The following CFAP47 variants were observed in gnomAD, a reference collection of about 807,000 sequenced individuals.
CFAP47 encodes cilia- and flagella-associated protein 47.
CFAP47 carries 29 observed loss-of-function variants against 148.1 expected under a neutral mutation model. That is an observed-to-expected ratio of 0.20 (90% confidence interval 0.15 to 0.27). The LOEUF (loss-of-function observed/expected upper bound fraction) is 0.27, where lower values mean the gene tolerates loss of function less well. CFAP47 is among the 10% of genes least tolerant of loss of function. CFAP47 has a pLI of 1.00. For missense variants in CFAP47, 1,872 were observed against 1,697.5 expected (o/e 1.10, Z -1.81); for synonymous variants, 664 against 577.3 (o/e 1.15, Z -2.15).
intron 25 of CFAP47, among the ~76,000 whole-genome samples, chrX:36,042,343 A>G (rs1319166579): frequency 2.7e-5 from 3 of 111,723 alleles, no homozygotes; most frequent in East Asian, 2.8e-4. Context: ...ATTAGGAAAT[A>G]AAACTCAAAA....
intron 57 of CFAP47, among the ~76,000 whole-genome samples, chrX:36,322,878 G>T (rs1354183334): frequency 9.0e-6 from 1 of 110,535 alleles, no homozygotes; most frequent in Non-Finnish European, 1.9e-5. Flanking sequence ...TGTTTGCTCT[G>T]ATATTTTACA....
intron 49 of CFAP47, among the ~76,000 whole-genome samples, chrX:36,259,335 A>G (rs1199019276): frequency 9.0e-6 from 1 of 111,529 alleles, no homozygotes; most frequent in African/African-American, 3.3e-5. Context: ...AAAATATACC[A>G]TTTACATATA....
intron 1 of CFAP47, among the ~76,000 whole-genome samples, chrX:35,923,082 G>T (rs1040057136): frequency 2.7e-5 from 3 of 110,933 alleles, no homozygotes; most frequent in Non-Finnish European, 3.8e-5. Flanking sequence ...CTAGTCCCTG[G>T]CTTATATTTA....
chrX:35,933,606 TG>T (rs1346637629), intron 2 of CFAP47, among the ~76,000 whole-genome samples: 1 of 112,058 alleles, frequency 8.9e-6, no homozygotes, highest in Non-Finnish European at 1.9e-5. Flanking sequence ...TGGATCTTAA[TG>T]GTGGCTTTAT....
chrX:36,035,393 T>G (rs1442817995), intron 23 of CFAP47, among the ~76,000 whole-genome samples: 2 of 111,760 alleles, frequency 1.8e-5, no homozygotes, highest in Non-Finnish European at 3.8e-5. Context: ...GATTACAGAC[T>G]GTGATGCACT....
At chrX:35,967,524 A>G (rs1936424258) in intron 9 of CFAP47, 95 bp from the exon 10 acceptor site, 2 of 575,660 alleles carry the variant, frequency 3.5e-6, no homozygotes, top group African/African-American at 4.6e-5. Flanking sequence ...TTAAGTTAGA[A>G]TCAATTGTCT....
chrX:36,047,677 A>C (rs888906889), intron 26 of CFAP47, among the ~76,000 whole-genome samples: 29 of 112,023 alleles, frequency 2.6e-4, no homozygotes, highest in Admixed American at 7.6e-4. Flanking sequence ...AAAGGCTTAT[A>C]ATGAAAAGTA....
intron 24 of CFAP47, among the ~76,000 whole-genome samples, chrX:36,036,536 T>A (rs887606400): frequency 1.8e-5 from 2 of 112,058 alleles, no homozygotes; most frequent in East Asian, 5.6e-4. Context: ...AGATACTGAT[T>A]TCATTTCCTT....
At chrX:36,270,318 C>G (rs1172432096) in intron 49 of CFAP47, among the ~76,000 whole-genome samples, 2 of 110,681 alleles carry the variant, frequency 1.8e-5, no homozygotes, top group African/African-American at 6.6e-5. Flanking sequence ...CATTCTTGAC[C>G]ATACTTAATA....
chrX:36,293,650 C>T (rs975802037), intron 51 of CFAP47, among the ~76,000 whole-genome samples: 3 of 112,121 alleles, frequency 2.7e-5, no homozygotes, highest in African/African-American at 9.7e-5. Context: ...GAAAGAGGGT[C>T]TGGGAAATGG....
At chrX:36,155,356 G>A (rs761168046) in intron 37 of CFAP47, among the ~76,000 whole-genome samples, 3 of 111,557 alleles carry the variant, frequency 2.7e-5, no homozygotes, top group Non-Finnish European at 3.8e-5. Flanking sequence ...GTAAATTTCT[G>A]TACTGTATGT....
At chrX:36,080,009 A>G (rs1269369568) in intron 29 of CFAP47, among the ~76,000 whole-genome samples, 1 of 111,831 alleles carries the variant, frequency 8.9e-6, no homozygotes, top group Non-Finnish European at 1.9e-5. Context: ...AGAATGGGAG[A>G]AAATTTTTGC....
chrX:35,960,452 T>G (rs980197692), intron 8 of CFAP47, among the ~76,000 whole-genome samples: 46 of 103,692 alleles, frequency 4.4e-4, no homozygotes, highest in African/African-American at 1.7e-3. Context: ...TTTGTAAGTC[T>G]ATTTAGGGAA....
chrX:35,947,563 G>C (rs2061178138), intron 3 of CFAP47, among the ~76,000 whole-genome samples: 1 of 106,660 alleles, frequency 9.4e-6, no homozygotes, highest in Admixed American at 1.0e-4. Context: ...CTGTGTAATT[G>C]CTGTCCTTTT....
chrX:36,072,587 A>T (rs1026896145), intron 28 of CFAP47, among the ~76,000 whole-genome samples: 2 of 112,327 alleles, frequency 1.8e-5, no homozygotes, highest in Non-Finnish European at 3.8e-5. Context: ...CAAATTAAAT[A>T]ATATGAGGTT....
At chrX:36,296,166 G>GC (rs1941240198) in intron 51 of CFAP47, among the ~76,000 whole-genome samples, 1 of 111,688 alleles carries the variant, frequency 9.0e-6, no homozygotes, top group Non-Finnish European at 1.9e-5. Flanking sequence ...GAGGAGCTGT[G>GC]ATTTAAGTAC....
intron 2 of CFAP47, among the ~76,000 whole-genome samples, chrX:35,933,520 A>G (rs965718702): frequency 8.9e-6 from 1 of 112,168 alleles, no homozygotes; most frequent in African/African-American, 3.2e-5. Flanking sequence ...CAGTGCTACA[A>G]TAAACACGAG....
At chrX:36,014,658 A>C in intron 21 of CFAP47, 116 bp from the exon 22 acceptor site, 1 of 264,784 alleles carries the variant, frequency 3.8e-6, no homozygotes, top group Non-Finnish European at 6.7e-6. Flanking sequence ...TCAATGTCGC[A>C]AGATAATTTT....
chrX:36,002,454 C>T (rs1380378516), intron 21 of CFAP47, among the ~76,000 whole-genome samples: 5 of 110,925 alleles, frequency 4.5e-5, no homozygotes, highest in Middle Eastern at 4.6e-3. Flanking sequence ...TGGTGGCAGG[C>T]GCCTGTAATC....
Sources: allele counts gnomAD v4.1 joint callset (sites outside exome capture counted in the v4.1 genomes callset), GRCh38; gene constraint gnomAD v4.1.1; transcripts MANE v1.5; gene names NCBI Gene and HGNC (gene_info 2026-07-23, HGNC 2026-07-21).